SOX5: variants seen among roughly 807,000 people sequenced by gnomAD.
SOX5 encodes transcription factor SOX-5.
Under a neutral mutation model 92.0 loss-of-function variants are expected in SOX5, and 9 were observed. The ratio of observed to expected loss-of-function variants is 0.10; its 90% CI spans 0.06 to 0.17. The LOEUF (loss-of-function observed/expected upper bound fraction) is 0.17, where lower values mean the gene tolerates loss of function less well. Ranked by LOEUF, SOX5 falls within the 10% of genes least tolerant of loss-of-function variation. SOX5 has a pLI of 1.00. For missense variants in SOX5, 642 were observed against 944.5 expected (o/e 0.68, Z 4.20); for synonymous variants, 344 against 336.3 (o/e 1.02, Z -0.25).
At chr12:23,741,475 T>C (rs1303656156) in intron 4 of SOX5, among the ~76,000 whole-genome samples, 1 of 152,138 alleles carries the variant, frequency 6.6e-6, no homozygotes, top group Non-Finnish European at 1.5e-5. Context: ...CCTTAAGTAC[T>C]ACAGTTTTTC....
chr12:24,324,475 C>A (rs778066189), intron 2 of SOX5, among the ~76,000 whole-genome samples: 1 of 151,730 alleles, frequency 6.6e-6, no homozygotes, highest in Non-Finnish European at 1.5e-5. Flanking sequence ...TATATAGTTG[C>A]GACATTTATT....
At chr12:24,431,516 C>A (rs1478083869) in intron 1 of SOX5, among the ~76,000 whole-genome samples, 5 of 152,186 alleles carry the variant, frequency 3.3e-5, no homozygotes, top group Admixed American at 3.3e-4. Flanking sequence ...CTATCACCTC[C>A]AAAAGTTTCC....
chr12:24,326,591 A>G (rs1258163164), intron 2 of SOX5, among the ~76,000 whole-genome samples: 2 of 152,152 alleles, frequency 1.3e-5, no homozygotes, highest in African/African-American at 4.8e-5. Flanking sequence ...AATATCCAGC[A>G]TGTTCCCACT....
chr12:23,815,167 C>A (rs1446501051), intron 3 of SOX5, among the ~76,000 whole-genome samples: 1 of 152,052 alleles, frequency 6.6e-6, no homozygotes, highest in Non-Finnish European at 1.5e-5. Context: ...ATAAAGCATG[C>A]AGGTCAGTTA....
At chr12:23,949,871 AGCGGAGTCTG>A (rs1439819886), upstream of SOX5, among the ~76,000 whole-genome samples, 2 of 144,862 alleles carry the variant, frequency 1.4e-5, no homozygotes, top group African/African-American at 2.6e-5. Context: ...CACTTCCAGC[AGCGGAGTCTG>A]GCTGCTCCCC....
chr12:23,827,324 A>G (rs1192205059), intron 3 of SOX5, among the ~76,000 whole-genome samples: 1 of 152,218 alleles, frequency 6.6e-6, no homozygotes, highest in East Asian at 1.9e-4. Context: ...AAATCTTCAA[A>G]AATTATTTTA....
At chr12:24,513,770 T>C (rs962062660) in intron 1 of SOX5, among the ~76,000 whole-genome samples, 12 of 152,234 alleles carry the variant, frequency 7.9e-5, no homozygotes, top group African/African-American at 1.7e-4. Flanking sequence ...TCTCACAGTG[T>C]CACAATAAGT....
chr12:24,367,328 G>A (rs146168733), intron 2 of SOX5, among the ~76,000 whole-genome samples: 232 of 152,168 alleles, frequency 1.5e-3, no homozygotes, highest in East Asian at 9.8e-3. Context: ...GAAATGCCAC[G>A]CTATTCAAAA....
At chr12:24,323,522 T>C in intron 2 of SOX5, among the ~76,000 whole-genome samples, 1 of 152,014 alleles carries the variant, frequency 6.6e-6, no homozygotes. Context: ...TATTAATCTC[T>C]TTATAACATG....
At chr12:23,689,281 A>AT (rs1057406727) in intron 6 of SOX5, among the ~76,000 whole-genome samples, 22 of 151,430 alleles carry the variant, frequency 1.5e-4, no homozygotes, top group Admixed American at 7.9e-4. Context: ...TCTTAATTAG[A>AT]TTTTTTTGTT....
rs1050771831 is a variant in SOX5, at chr12:24,296,920, TAGAC to T, written c.-173-19612_-173-19609del. ...CTTGCAGACCCCACATGGCCCTACA[TAGAC>T]AGACAGACACACACACACACACACA... On this transcript the variant is annotated intron_variant, in intron 2 of 4. Transcript: ENST00000446891. Among the ~76,000 whole-genome samples, 25 of 107,950 alleles carry T rather than the reference TAGAC, an allele frequency of 2.3e-4. No individual in the cohort carries two copies. The South Asian group carries it at 2.8e-3, about 12-fold the overall frequency. The allele number at this position is 107,950 out of a possible 152,430, so 70.8% of individuals were successfully genotyped here.
intron 1 of SOX5, among the ~76,000 whole-genome samples, chr12:24,511,483 C>T (rs998556029): frequency 2.6e-5 from 4 of 152,092 alleles, no homozygotes; most frequent in African/African-American, 4.8e-5. Flanking sequence ...TTCCTAAAGG[C>T]ATATATTTTT....
rs1939733970 is a variant in SOX5 at position 23,534,365 on chromosome 12, T to C, written c.2146A>G (p.Lys716Glu). The change falls in exon 15 of 15, where the codon AAA becomes GAA. Residue 716 changes from lysine (K) to glutamate (E), a missense_variant. Coordinates refer to ENST00000451604, the MANE Select transcript of SOX5 (RefSeq NM_006940.6). The part of the protein sequence containing the change: ...MPVIQSTYGV[K>E]GEEPHIKEEI... ...TCTTTGATATGTGGCTCCTCTCCTT[T>C]CACACCGTAAGTGCTCTGGATAACA... The C allele has an allele frequency of 6.2e-7, 1 of 1,614,164 alleles. No homozygotes were observed. Among genetic ancestry groups the C allele is most frequent in the Non-Finnish European group, 8.5e-7 (1 of 1,180,022 alleles).
intron 8 of SOX5, among the ~76,000 whole-genome samples, chr12:23,606,626 CCAGAGA>C (rs2075292088): frequency 6.6e-6 from 1 of 151,576 alleles, no homozygotes; most frequent in East Asian, 1.9e-4. Flanking sequence ...ATATTAGGCA[CCAGAGA>C]CAGTCATAAT....
At chr12:24,047,018 A>C (rs1957102336) in intron 4 of SOX5, among the ~76,000 whole-genome samples, 1 of 150,082 alleles carries the variant, frequency 6.7e-6, no homozygotes, top group African/African-American at 2.4e-5. Flanking sequence ...AAAATACAAC[A>C]TCTCCAACCT....
chr12:23,571,576 T>C (rs1948390306), intron 10 of SOX5, among the ~76,000 whole-genome samples: 1 of 152,170 alleles, frequency 6.6e-6, no homozygotes, highest in Non-Finnish European at 1.5e-5. Flanking sequence ...GAGCATCTAA[T>C]GCAGAGTGGC....
At chr12:23,598,994 T>A (rs1391919056) in intron 9 of SOX5, among the ~76,000 whole-genome samples, 2 of 152,206 alleles carry the variant, frequency 1.3e-5, no homozygotes, top group African/African-American at 4.8e-5. Flanking sequence ...TACCACAAAT[T>A]GTGACTCATA....
At chr12:23,672,007 C>CT (rs904951922) in intron 6 of SOX5, among the ~76,000 whole-genome samples, 6 of 151,504 alleles carry the variant, frequency 4.0e-5, no homozygotes, top group African/African-American at 1.5e-4. Context: ...CAAAACAGGC[C>CT]TCAAAAATAC....
At chr12:24,561,020 C>T (rs1954286986) in intron 1 of SOX5, among the ~76,000 whole-genome samples, 2 of 152,226 alleles carry the variant, frequency 1.3e-5, no homozygotes, top group Admixed American at 1.3e-4. Flanking sequence ...CACAGATTTC[C>T]CTTGGTCCTG....
Sources: gnomAD v4.1 joint callset for allele counts (sites outside exome capture counted in the v4.1 genomes callset) on GRCh38, gnomAD v4.1.1 for gene constraint, MANE v1.5 for transcripts, NCBI Gene and HGNC (gene_info 2026-07-23, HGNC 2026-07-21) for gene names.